GNAT2: variants seen among roughly 807,000 people sequenced by gnomAD.
GNAT2 encodes G protein subunit alpha transducin 2.
GNAT2 carries 32 observed loss-of-function variants against 40.9 expected under a neutral mutation model. That is an observed-to-expected ratio of 0.78 (90% CI 0.59 to 1.05). The LOEUF is 1.05. GNAT2 is among the 50% of genes least tolerant of loss of function. The probability of loss-of-function intolerance (pLI) is 0.00; values close to 1 mark genes in which losing one functional copy is unlikely to be tolerated. For synonymous variants in GNAT2, 141 were observed against 157.2 expected, an observed-to-expected ratio of 0.90 and a Z score of 0.77; for missense variants, 355 against 431.5, an observed-to-expected ratio of 0.82 and a Z score of 1.57.
intron 4 of GNAT2, chr1:109,609,639 A>T (rs1649730190): frequency 3.1e-6 from 1 of 320,180 alleles, no homozygotes; most frequent in South Asian, 2.7e-5. Context: ...CCCAGTAAAA[A>T]TAAGGGTGGA....
At position 109,606,391 on chromosome 1, in the gene GNAT2, A is replaced by T. The variant is rs1179554292; in HGVS notation, c.507T>A (p.Pro169=). 6.2e-7 allele frequency: 1 copy of T among 1,610,896 alleles called. No homozygotes were observed. The highest frequency in any genetic ancestry group is 1.7e-5 in the Admixed American group (1 of 60,012). Residue 169 remains proline, a synonymous_variant, in exon 6 of 9, where the codon CCT becomes CCA. Transcript: ENST00000679935. ...LERITDPEYL[P]SEQDVLRSRV... ...TGGATCGGAGCACATCTTGCTCACT[A>T]GGGAGGTACTCAGGGTCTGTAATTC... is the stretch of plus-strand genomic sequence containing the variant.
Position 109,609,105 on chromosome 1 carries a change from CAG to C in GNAT2, c.304-319_304-318del, listed in dbSNP as rs1434097134. ...GCCACAAAACGTGGGTCCTCTGCTG[CAG>C]AGAGACTGAAAATGTAAAGGCCAGA... On this transcript the variant is annotated intron_variant, in intron 4 of 8. Coordinates refer to ENST00000679935, the MANE Select transcript of GNAT2 (RefSeq NM_001377295.2). The C allele has an allele frequency of 4.4e-5, 18 of 408,644 alleles. No homozygotes were observed. The Admixed American group carries it at 6.1e-4, about 14-fold the overall frequency. The allele number at this position is 408,644 out of a possible 1,614,324, so 25.3% of individuals were successfully genotyped here. A position where few individuals can be genotyped will look rare whatever the true frequency, so the allele number is the denominator to read the frequency against.
At chr1:109,609,955 T>C (rs1649740708) in intron 4 of GNAT2, 85 bp downstream of exon 4, 2 of 1,335,380 alleles carry the variant, frequency 1.5e-6, no homozygotes, top group Non-Finnish European at 1.1e-6. Flanking sequence ...TACCCATCTT[T>C]CCATATAGTT....
chr1:109,613,035 G>GTACTC (rs1649850316), intron 1 of GNAT2, 112 bp from the exon 2 acceptor site: 2 of 727,642 alleles, frequency 2.7e-6, no homozygotes, highest in Admixed American at 3.6e-5. Flanking sequence ...GTAGGGTCTT[G>GTACTC]TACTCTGCCT....
intron 1 of GNAT2, chr1:109,615,206 G>GTA (rs2101132777): frequency 6.6e-6 from 1 of 152,346 alleles, no homozygotes; most frequent in African/African-American, 2.4e-5. Context: ...TGAGAGTTAA[G>GTA]TAACTCATTT....
At position 109,608,658 on chromosome 1, in the gene GNAT2, T is replaced by A. The variant is rs774809648; in HGVS notation, c.434A>T (p.Glu145Val). Residue 145 changes from glutamate (E) to valine (V), a missense_variant, in exon 5 of 9, where the codon GAA becomes GTA. Glu to Val is a moderately radical substitution (Grantham distance 121). Coordinates refer to ENST00000679935, the MANE Select transcript of GNAT2 (RefSeq NM_001377295.2). ...AGATGCGGAGTCATTAAGCTGGTATTCTGCAGCTCTCTCGAAGCAGGCTTG... is the reference window on the plus strand; with the variant it reads ...AGATGCGGAGTCATTAAGCTGGTATACTGCAGCTCTCTCGAAGCAGGCTTG... ...GVQACFERAA[E>V]YQLNDSASYY... The A allele has an allele frequency of 5.0e-6, 8 of 1,614,120 alleles. No homozygotes were observed. Among genetic ancestry groups the A allele is most frequent in the Non-Finnish European group, 6.8e-6 (8 of 1,179,970 alleles).
intron 1 of GNAT2, chr1:109,615,645 A>G (rs1649934293): frequency 1.5e-5 from 1 of 64,524 alleles, no homozygotes. Context: ...GAAAAGAAAA[A>G]GCCCAGCATG....
chr1:109,610,197 ACT>A lies in GNAT2; in HGVS notation c.162-18_162-17del, dbSNP rs1485372844. ...GTGAATGATCCTGCAAGGGGCAGAC[ACT>A]CTGTCTTTAGCTGGACCTGAGTAAC... On this transcript the variant is annotated splice_polypyrimidine_tract_variant and intron_variant, in intron 3 of 8. Transcript: ENST00000679935. 4 of 1,613,658 alleles carry A rather than the reference ACT, an allele frequency of 2.5e-6. No individual in the cohort carries two copies. Among genetic ancestry groups the A allele is most frequent in the Admixed American group, 1.7e-5 (1 of 59,982 alleles).
At position 109,603,945 on chromosome 1, in the gene GNAT2, A is replaced by T. The variant is rs1557917804; in HGVS notation, c.874+6T>A. 4 of 1,591,020 alleles carry T rather than the reference A, an allele frequency of 2.5e-6. No individual in the cohort carries two copies. The highest frequency in any genetic ancestry group is 3.4e-6 in the Non-Finnish European group (4 of 1,159,734). On this transcript the variant is annotated splice_donor_region_variant and intron_variant, in intron 8 of 8. Transcript: ENST00000679935. The stretch of plus-strand genomic sequence containing the variant: ...ATTATTATTATTTCCAGCCCCTGAC[A>T]CTTACCATCATACTCTGGAAAACAA...
chr1:109,612,211 A>G lies in GNAT2; in HGVS notation c.118+542T>C, dbSNP rs1649816651. On this transcript the variant is annotated intron_variant, in intron 2 of 8. Transcript: ENST00000679935. Reference sequence around the variant, plus strand: ...GAGCCAGGAAGGGACTGCTGTACATAAAGACACCATTCCTCCTTCCTCAGA... The same window carrying G: ...GAGCCAGGAAGGGACTGCTGTACATGAAGACACCATTCCTCCTTCCTCAGA... The G allele has an allele frequency of 1.5e-5, 3 of 195,528 alleles. No homozygotes were observed. The South Asian group carries it at 2.8e-4, about 18-fold the overall frequency. The allele number at this position is 195,528 out of a possible 1,614,324, so 12.1% of individuals were successfully genotyped here.
Position 109,610,165 on chromosome 1 carries a change from C to CATCCTGGTGAATG in GNAT2, c.165_177dup (p.Gly60HisfsTer42). 6.2e-7 allele frequency: 1 copy of CATCCTGGTGAATG among 1,613,924 alleles called. No individual in the cohort carries two copies. The highest frequency in any genetic ancestry group is 8.5e-7 in the Non-Finnish European group (1 of 1,179,914). ...TCCAGGCATTCTTCTGGTGAATAGC[C>CATCCTGGTGAATG]ATCCTGGTGAATGATCCTGCAAGGG... is the stretch of plus-strand genomic sequence containing the variant. On this transcript the variant is annotated frameshift_variant, in exon 4 of 9. Coordinates refer to ENST00000679935, the MANE Select transcript of GNAT2 (RefSeq NM_001377295.2). LOFTEE classifies it high-confidence loss of function.
rs1285896964 is a variant in GNAT2 at position 109,607,479 on chromosome 1, G to A, written c.462-1043C>T. ...AAAAAAAAAAGGCAAGAGGAAGGCAGATGTGAACTGAGATGACTGAGAGGA... is the reference window on the plus strand; with the variant it reads ...AAAAAAAAAAGGCAAGAGGAAGGCAAATGTGAACTGAGATGACTGAGAGGA... On this transcript the variant is annotated intron_variant, in intron 5 of 8. Coordinates refer to ENST00000679935, the MANE Select transcript of GNAT2 (RefSeq NM_001377295.2). 8 of 148,034 alleles carry A rather than the reference G, an allele frequency of 5.4e-5. No individual in the cohort carries two copies. In the East Asian group the frequency reaches 1.6e-3, roughly 29 times the overall value. The allele number at this position is 148,034 out of a possible 1,614,324, so 9.2% of individuals were successfully genotyped here.
intron 7 of GNAT2, chr1:109,604,414 A>C: frequency 2.6e-6 from 1 of 391,462 alleles, no homozygotes; most frequent in South Asian, 2.2e-5. Context: ...TGGCTGGCAT[A>C]TAGGTCTATA....
intron 7 of GNAT2, chr1:109,605,746 A>T (rs1649572147): frequency 4.0e-6 from 2 of 504,308 alleles, no homozygotes; most frequent in East Asian, 7.8e-5. Flanking sequence ...GTCTAATTTG[A>T]GACCAAGCTC....
At chr1:109,616,792 T>G (rs1385620532) in intron 1 of GNAT2, 1 of 151,534 alleles carries the variant, frequency 6.6e-6, no homozygotes, top group African/African-American at 2.4e-5. Context: ...GATACGCATT[T>G]TGGGGAAAGG....
rs1649680268 is a variant in GNAT2, at chr1:109,608,368, AT to A, written c.461+262del. 6 of 530,042 alleles carry A rather than the reference AT, an allele frequency of 1.1e-5. No homozygotes were observed. In the East Asian group the frequency reaches 2.1e-4, roughly 19 times the overall value. 32.8% of individuals were successfully genotyped at this position (530,042 alleles called of 1,614,324 possible). A position where few individuals can be genotyped will look rare whatever the true frequency, so the allele number is the denominator to read the frequency against. ...CTACTAGGCAGAACACGTCTTTTGA[AT>A]TTTGCATCTTCAGCCTTGTAGGCTG... On this transcript the variant is annotated intron_variant, in intron 5 of 8. Transcript: ENST00000679935.
At position 109,612,913 on chromosome 1, in the gene GNAT2, C is replaced by A. The variant is rs373698555; in HGVS notation, c.-43G>T. 24 of 1,267,212 alleles carry A rather than the reference C, an allele frequency of 1.9e-5. No individual in the cohort carries two copies. In the African/African-American group the frequency reaches 2.2e-4, roughly 12 times the overall value. 78.5% of individuals were successfully genotyped at this position (1,267,212 alleles called of 1,614,324 possible). A position where few individuals can be genotyped will look rare whatever the true frequency, so the allele number is the denominator to read the frequency against. ...CTTTTTCAGGCCCCTAATCCTCTCT[C>A]GTAAGGTTTCCTGTATGTGAGATGG... On this transcript the variant is annotated 5_prime_UTR_variant, in exon 2 of 9. Coordinates refer to ENST00000679935, the MANE Select transcript of GNAT2 (RefSeq NM_001377295.2).
At chr1:109,609,011 G>A in intron 4 of GNAT2, 1 of 584,056 alleles carries the variant, frequency 1.7e-6, no homozygotes, top group Non-Finnish European at 3.1e-6. Flanking sequence ...TGTGTCTAAA[G>A]CGGGGCAGGG....
chr1:109,618,375 T>C lies in GNAT2; in HGVS notation c.-54+1108A>G, dbSNP rs370842821. The C allele has an allele frequency of 3.3e-5, 5 of 152,370 alleles. No individual in the cohort carries two copies. In the South Asian group the frequency reaches 1.0e-3, roughly 32 times the overall value. 9.4% of individuals were successfully genotyped at this position (152,370 alleles called of 1,614,324 possible). A position where few individuals can be genotyped will look rare whatever the true frequency, so the allele number is the denominator to read the frequency against. On this transcript the variant is annotated intron_variant, in intron 1 of 8. Transcript: ENST00000679935. ...TGAATATTACATAAACATTCCCCTATTGTTCGACCTTTAAAGTATCTAACT... is the reference window on the plus strand; with the variant it reads ...TGAATATTACATAAACATTCCCCTACTGTTCGACCTTTAAAGTATCTAACT...
Sources: allele counts gnomAD v4.1 joint callset, GRCh38; gene constraint gnomAD v4.1.1; transcripts MANE v1.5; gene names NCBI Gene and HGNC (gene_info 2026-07-23, HGNC 2026-07-21).